Variants in FAM228B observed in about 807,000 individuals in gnomAD.
The protein encoded by FAM228B is family with sequence similarity 228 member B.
A neutral mutation model predicts 42.6 loss-of-function variants in FAM228B; 38 were observed. That is an observed-to-expected ratio of 0.89 (90% CI 0.69 to 1.17). FAM228B has a LOEUF of 1.17. Among genes scored for constraint, FAM228B ranks in the 50% most tolerant of loss-of-function variants. FAM228B has a pLI of 0.00. For synonymous variants in FAM228B, 109 were observed against 122.3 expected (o/e 0.89, Z 0.72); for missense variants, 344 against 367.3 (o/e 0.94, Z 0.52).
intron 7 of FAM228B, among the ~76,000 whole-genome samples, chr2:24,155,241 C>T (rs960685150): frequency 1.3e-5 from 2 of 151,970 alleles, no homozygotes; most frequent in Non-Finnish European, 2.9e-5. Flanking sequence ...CATTAATGGG[C>T]ATACAGTGAG....
At chr2:24,147,359 TG>T (rs1293164391) in intron 7 of FAM228B, among the ~76,000 whole-genome samples, 1 of 152,108 alleles carries the variant, frequency 6.6e-6, no homozygotes, top group Non-Finnish European at 1.5e-5. Context: ...TGTTTATATT[TG>T]TTTTTTTCTG....
chr2:24,153,574 C>A (rs1365330421), intron 7 of FAM228B, among the ~76,000 whole-genome samples: 3 of 152,208 alleles, frequency 2.0e-5, no homozygotes, highest in African/African-American at 7.2e-5. Context: ...AGATGCAGGA[C>A]AAAGTCCTCT....
intron 7 of FAM228B, among the ~76,000 whole-genome samples, chr2:24,154,257 G>A (rs573090965): frequency 1.3e-5 from 2 of 152,230 alleles, no homozygotes; most frequent in Non-Finnish European, 2.9e-5. Context: ...GGGGAATAAA[G>A]GGTGTAAGCT....
chr2:24,116,023 T>C (rs1209757118), intron 3 of FAM228B, among the ~76,000 whole-genome samples: 1 of 152,058 alleles, frequency 6.6e-6, no homozygotes, highest in Non-Finnish European at 1.5e-5. Context: ...ATGTATTCTA[T>C]GACCTAGACT....
At chr2:24,142,390 C>A (rs74661620) in intron 5 of FAM228B, 24,550 of 152,218 alleles carry the variant, frequency 0.16, 2,147 homozygotes, top group South Asian at 0.21. Context: ...GATTCCTTCC[C>A]TTCAGATGGA....
upstream of FAM228B, chr2:24,119,730 G>A (rs1240990889): frequency 7.7e-6 from 11 of 1,422,454 alleles, no homozygotes; most frequent in Non-Finnish European, 1.1e-5. Flanking sequence ...TCTAATCACA[G>A]GACCAGTGGT....
upstream of FAM228B, chr2:24,119,795 TATGGAATATAC>T: frequency 1.4e-6 from 1 of 710,978 alleles, no homozygotes; most frequent in Non-Finnish European, 2.3e-6. Context: ...TTGGAATATA[TATGGAATATAC>T]ATATTCCGTA....
chr2:24,160,336 T>C (rs576205666), intron 7 of FAM228B, among the ~76,000 whole-genome samples: 1 of 152,234 alleles, frequency 6.6e-6, no homozygotes, highest in East Asian at 1.9e-4. Flanking sequence ...GCTTCCTGGA[T>C]CTCTGTATTC....
At chr2:24,146,099 C>G (rs1666888144) in intron 5 of FAM228B, among the ~76,000 whole-genome samples, 1 of 152,078 alleles carries the variant, frequency 6.6e-6, no homozygotes, top group Non-Finnish European at 1.5e-5. Context: ...CACCGTTTAA[C>G]TCTAATAGTC....
intron 2 of FAM228B, chr2:24,083,122 C>G (rs1420217621): frequency 6.2e-7 from 1 of 1,613,266 alleles, no homozygotes; most frequent in African/African-American, 1.3e-5. Context: ...ATGTTGCTGG[C>G]TCCTGGAGGT....
chr2:24,088,406 AGTGGGGTG>A (rs1665309414), intron 2 of FAM228B, among the ~76,000 whole-genome samples: 1 of 152,086 alleles, frequency 6.6e-6, no homozygotes, highest in African/African-American at 2.4e-5. Flanking sequence ...GCTGGAATGC[AGTGGGGTG>A]ATCTCGGCTC....
chr2:24,114,583 A>T (rs1320834479), intron 3 of FAM228B, among the ~76,000 whole-genome samples: 2 of 152,200 alleles, frequency 1.3e-5, no homozygotes, highest in African/African-American at 2.4e-5. Context: ...ATGTTAGTCC[A>T]ATCTAGCTGA....
intron 2 of FAM228B, among the ~76,000 whole-genome samples, chr2:24,088,568 C>G (rs1428797228): frequency 2.0e-5 from 3 of 152,194 alleles, no homozygotes; most frequent in Non-Finnish European, 4.4e-5. Context: ...CCAGGCTGGT[C>G]TTGAACTTTT....
chr2:24,098,174 G>T (rs1441547243), intron 3 of FAM228B, among the ~76,000 whole-genome samples: 1 of 152,146 alleles, frequency 6.6e-6, no homozygotes, highest in Non-Finnish European at 1.5e-5. Context: ...ACCCACAAGA[G>T]AAAGCAGGAA....
chr2:24,127,147 C>G (rs1344396377), intron 2 of FAM228B, among the ~76,000 whole-genome samples: 1 of 152,146 alleles, frequency 6.6e-6, no homozygotes, highest in African/African-American at 2.4e-5. Flanking sequence ...GATCTACTTC[C>G]TGTCTAAACA....
intron 2 of FAM228B, among the ~76,000 whole-genome samples, chr2:24,131,558 A>G (rs78861366): frequency 0.14 from 21,984 of 152,022 alleles, 1,944 homozygotes; most frequent in South Asian, 0.21. Context: ...CTTGTTAGCT[A>G]TATTCCTAGG....
intron 7 of FAM228B, among the ~76,000 whole-genome samples, chr2:24,148,044 G>A (rs1666938517): frequency 6.6e-6 from 1 of 151,806 alleles, no homozygotes; most frequent in Non-Finnish European, 1.5e-5. Flanking sequence ...AAGCATTAGT[G>A]TGGAGGATTA....
Position 24,169,402 on chromosome 2 carries a change from G to C in FAM228B, c.*61G>C, listed in dbSNP as rs779520959. 1 of 462,914 alleles carries C rather than the reference G, an allele frequency of 2.2e-6. No individual in the cohort carries two copies. The highest frequency in any genetic ancestry group is 2.0e-5 in the African/African-American group (1 of 49,968). 28.7% of individuals were successfully genotyped at this position (462,914 alleles called of 1,614,324 possible). A position where few individuals can be genotyped will look rare whatever the true frequency, so the allele number is the denominator to read the frequency against. The stretch of plus-strand genomic sequence containing the variant: ...ACACCCTGATCCTTGATTGGTGAAA[G>C]GATACACAAAATCAGGCTGCTTCAG... On this transcript the variant is annotated 3_prime_UTR_variant, in exon 11 of 11. Transcript: ENST00000615575. This position sits in a 1 kb window ranked among gnomAD's most constrained non-coding sequence, Gnocchi z 4.2.
At chr2:24,122,621 A>T, upstream of FAM228B, 1 of 875,386 alleles carries the variant, frequency 1.1e-6, no homozygotes, top group Non-Finnish European at 1.9e-6. Context: ...AAATGTCCTT[A>T]AGACACTGCA....
Sources: allele counts gnomAD v4.1 joint callset (sites outside exome capture counted in the v4.1 genomes callset), GRCh38; gene constraint gnomAD v4.1.1; non-coding constraint Gnocchi (gnomAD v3.1); transcripts MANE v1.5; gene names NCBI Gene and HGNC (gene_info 2026-07-23, HGNC 2026-07-21).